TBL1XR1: variants seen among roughly 807,000 people sequenced by gnomAD.
TBL1XR1 encodes the protein TBL1X/Y related 1, also known as F-box-like/WD repeat-containing protein TBL1XR1.
TBL1XR1 carries 5 observed loss-of-function variants against 66.9 expected under a neutral mutation model. The ratio of observed to expected loss-of-function variants is 0.07; its 90% confidence interval spans 0.04 to 0.16. TBL1XR1 has a LOEUF of 0.16. Among genes scored for constraint, TBL1XR1 ranks in the 10% least tolerant of loss-of-function variants. The pLI, the probability that TBL1XR1 is intolerant of heterozygous loss-of-function variation, is 1.00. For synonymous variants in TBL1XR1, 210 were observed against 206.0 expected, an observed-to-expected ratio of 1.02 and a Z score of -0.17; for missense variants, 238 against 623.2, an observed-to-expected ratio of 0.38 and a Z score of 6.58.
chr3:177,086,239 A>G (rs1041570241), intron 2 of TBL1XR1, among the ~76,000 whole-genome samples: 1 of 151,958 alleles, frequency 6.6e-6, no homozygotes, highest in African/African-American at 2.4e-5. Context: ...ATTATTTCTT[A>G]TAATCAATAG....
intron 10 of TBL1XR1, among the ~76,000 whole-genome samples, chr3:177,038,882 A>G (rs920643353): frequency 6.6e-6 from 1 of 152,218 alleles, no homozygotes; most frequent in Non-Finnish European, 1.5e-5. Flanking sequence ...TCTTTAGATA[A>G]GGGTAACATG....
At chr3:177,181,180 G>A (rs1055399694) in intron 1 of TBL1XR1, among the ~76,000 whole-genome samples, 20 of 151,994 alleles carry the variant, frequency 1.3e-4, no homozygotes, top group African/African-American at 4.6e-4. Flanking sequence ...CTGTCTTGTC[G>A]CAACTCATTG....
intron 1 of TBL1XR1, among the ~76,000 whole-genome samples, chr3:177,185,770 G>A (rs919933610): frequency 2.0e-5 from 3 of 152,130 alleles, no homozygotes; most frequent in African/African-American, 7.2e-5. Context: ...AACACTTTGG[G>A]AGGCAGGAGG....
At chr3:177,153,754 G>A (rs1277249684) in intron 1 of TBL1XR1, among the ~76,000 whole-genome samples, 1 of 151,714 alleles carries the variant, frequency 6.6e-6, no homozygotes, top group East Asian at 1.9e-4. Context: ...GCACGCGCCT[G>A]TAATCCCAGC....
At position 177,171,825 on chromosome 3, in the gene TBL1XR1, T is replaced by C. The variant is rs765077514; in HGVS notation, c.-122+25296A>G. Among the ~76,000 whole-genome samples the C allele has an allele frequency of 8.4e-4, 126 of 149,304 alleles. 2 individuals carry two copies. Among genetic ancestry groups the C allele is most frequent in the Non-Finnish European group, 4.7e-4 (32 of 67,718 alleles). ...AAATACCAGAAGAGTTTGGAGCAAA[T>C]TGTTATGTCAGAAAGTAAGAAACTG... is the stretch of plus-strand genomic sequence containing the variant. On this transcript the variant is annotated intron_variant, in intron 1 of 15. Transcript: ENST00000457928.
intron 1 of TBL1XR1, among the ~76,000 whole-genome samples, chr3:177,173,770 G>GTAATCT (rs1733837329): frequency 6.6e-6 from 1 of 152,132 alleles, no homozygotes; most frequent in South Asian, 2.1e-4. Flanking sequence ...AATACACCAT[G>GTAATCT]GTTAGGTAAG....
intron 3 of TBL1XR1, among the ~76,000 whole-genome samples, chr3:177,063,285 CATT>C (rs746083022): frequency 1.8e-4 from 27 of 152,170 alleles, no homozygotes; most frequent in Admixed American, 1.0e-3. Flanking sequence ...TTACTGCTCT[CATT>C]AACACCACTG....
intron 1 of TBL1XR1, among the ~76,000 whole-genome samples, chr3:177,179,558 T>A (rs973198736): frequency 6.6e-6 from 1 of 152,154 alleles, no homozygotes; most frequent in Non-Finnish European, 1.5e-5. Flanking sequence ...GTAAAATGTA[T>A]CCAAAGTTTC....
chr3:177,089,598 A>G (rs984661305), intron 2 of TBL1XR1, among the ~76,000 whole-genome samples: 2 of 152,210 alleles, frequency 1.3e-5, no homozygotes, highest in Non-Finnish European at 2.9e-5. Context: ...ATAAAGGGTT[A>G]TAATCAAGGG....
chr3:177,179,103 G>C (rs1734493826), intron 1 of TBL1XR1, among the ~76,000 whole-genome samples: 1 of 128,578 alleles, frequency 7.8e-6, no homozygotes, highest in South Asian at 2.6e-4. Flanking sequence ...GGCAACAAGA[G>C]CGAAACTACG....
chr3:177,105,714 C>G (rs1159318872), intron 1 of TBL1XR1, among the ~76,000 whole-genome samples: 1 of 152,100 alleles, frequency 6.6e-6, no homozygotes, highest in African/African-American at 2.4e-5. Context: ...GCCCCTCACT[C>G]AGATGTAATT....
intron 1 of TBL1XR1, among the ~76,000 whole-genome samples, chr3:177,114,699 G>C (rs990441041): frequency 1.3e-5 from 2 of 151,932 alleles, no homozygotes; most frequent in Admixed American, 6.6e-5. Context: ...AGTTTGGCCA[G>C]ATACGGTAGC....
At chr3:177,157,295 C>T (rs2108875325) in intron 1 of TBL1XR1, among the ~76,000 whole-genome samples, 1 of 152,298 alleles carries the variant, frequency 6.6e-6, no homozygotes, top group Admixed American at 6.5e-5. Context: ...CTGGAGGCAC[C>T]AGCATTCCCT....
intron 2 of TBL1XR1, among the ~76,000 whole-genome samples, chr3:177,088,045 G>A (rs1034608246): frequency 5.3e-5 from 8 of 152,040 alleles, no homozygotes; most frequent in Non-Finnish European, 1.2e-4. Flanking sequence ...TGTGTTTCTC[G>A]AGGTAAGACA....
chr3:177,071,035 T>G (rs1209387482), intron 2 of TBL1XR1, among the ~76,000 whole-genome samples: 7 of 143,012 alleles, frequency 4.9e-5, no homozygotes, highest in Non-Finnish European at 9.2e-5. Context: ...GAATCTGTTT[T>G]TTTTTTTTTT....
chr3:177,047,747 G>A (rs566976799), intron 7 of TBL1XR1, 198 bp from the exon 8 acceptor site: 1 of 564,950 alleles, frequency 1.8e-6, no homozygotes, highest in East Asian at 2.9e-5. Flanking sequence ...ATGTTGTATG[G>A]GGGCCTTATA....
intron 1 of TBL1XR1, among the ~76,000 whole-genome samples, chr3:177,152,378 C>A (rs531258965): frequency 2.0e-5 from 3 of 152,036 alleles, no homozygotes; most frequent in Non-Finnish European, 4.4e-5. Context: ...TGCAATGGCG[C>A]GATCTCAGCT....
intron 1 of TBL1XR1, among the ~76,000 whole-genome samples, chr3:177,173,493 C>T (rs992956307): frequency 2.0e-5 from 3 of 152,158 alleles, no homozygotes; most frequent in African/African-American, 4.8e-5. Flanking sequence ...GGCACATCAA[C>T]TCTATGGTAT....
At chr3:177,111,989 T>C (rs1725623244) in intron 1 of TBL1XR1, among the ~76,000 whole-genome samples, 1 of 147,194 alleles carries the variant, frequency 6.8e-6, no homozygotes, top group South Asian at 2.2e-4. Context: ...TTTGAAGCCT[T>C]TTAAAAAATA....
Sources: allele counts gnomAD v4.1 joint callset (sites outside exome capture counted in the v4.1 genomes callset), GRCh38; gene constraint gnomAD v4.1.1; transcripts MANE v1.5; gene names NCBI Gene and HGNC (gene_info 2026-07-23, HGNC 2026-07-21).